CARD6: variants seen among roughly 807,000 people sequenced by gnomAD.
CARD6 encodes the protein caspase recruitment domain family member 6.
Under a neutral mutation model 23.6 loss-of-function variants are expected in CARD6, and 27 were observed. That is an observed-to-expected ratio of 1.14 (90% CI 0.84 to 1.58). The LOEUF (loss-of-function observed/expected upper bound fraction) is 1.58. Ranked by LOEUF, CARD6 falls within the 40% of genes most tolerant of loss-of-function variation. The pLI, the probability that CARD6 is intolerant of heterozygous loss-of-function variation, is 0.00. For synonymous variants in CARD6, 397 were observed against 431.8 expected (o/e 0.92, Z 1.00); for missense variants, 1,214 against 1,209.9 (o/e 1.00, Z -0.05).
chr5:40,843,093 C>A, intron 1 of CARD6, 59 bp from the exon 2 acceptor site: 1 of 1,102,666 alleles, frequency 9.1e-7, no homozygotes, highest in Non-Finnish European at 1.3e-6. Context: ...GCCTCAGGAA[C>A]TCTAGCTGTT....
At position 40,852,376 on chromosome 5, in the gene CARD6, G is replaced by A; in HGVS notation, c.1044G>A (p.Lys348=). 4 of 1,614,120 alleles carry A rather than the reference G, an allele frequency of 2.5e-6. No homozygotes were observed. The highest frequency in any genetic ancestry group is 1.3e-5 in the African/African-American group (1 of 75,054). ...VTARDSILSH[K]VLDEDSKEDL... is the part of the protein sequence containing the mutation. ...CTAGGGATTCAATCCTCAGTCACAA[G>A]GTTCTGGATGAAGATAGCAAGGAGG... The change falls in exon 3 of 3, where the codon AAG becomes AAA. Residue 348 remains lysine (K), a synonymous_variant. Coordinates refer to ENST00000254691, the MANE Select transcript of CARD6 (RefSeq NM_032587.4).
rs146689225 is a variant in CARD6, at chr5:40,852,929, C to T, written c.1597C>T (p.Arg533Cys). 393 of 1,614,122 alleles carry T rather than the reference C, an allele frequency of 2.4e-4. 1 individual carries two copies. In the African/African-American group the frequency reaches 4.5e-3, roughly 19 times the overall value. ...FQKPVALANL[R>C]GNLESFWTQF... The stretch of plus-strand genomic sequence containing the variant: ...AAAGCCTGTTGCTCTGGCTAATCTC[C>T]GTGGAAATCTAGAAAGCTTTTGGAC... Residue 533 changes from arginine (R) to cysteine (C), a missense_variant, in exon 3 of 3, where the codon CGT becomes TGT. Transcript: ENST00000254691.
chr5:40,850,210 C>A (rs926429913), intron 2 of CARD6, among the ~76,000 whole-genome samples: 2 of 151,464 alleles, frequency 1.3e-5, no homozygotes, highest in African/African-American at 4.9e-5. Context: ...GTCAGGAGAT[C>A]GAGACCATCC....
In CARD6 at chr5:40,854,117, C is replaced by T. The variant is rs977275212; in HGVS notation, c.2785C>T (p.Leu929Phe). Residue 929 changes from leucine to phenylalanine, a missense_variant, in exon 3 of 3, where the codon CTC (leucine) becomes TTC (phenylalanine). Coordinates refer to ENST00000254691, the MANE Select transcript of CARD6 (RefSeq NM_032587.4). Reference protein sequence around the residue: ...KTQGGASNPALQIGSHPMCKS... With the variant: ...KTQGGASNPAFQIGSHPMCKS... ...ACAAGGTGGGGCTTCAAATCCAGCT[C>T]TCCAAATAGGGTCCCATCCCATGTG... 1.2e-6 allele frequency: 2 copies of T among 1,614,214 alleles called. No homozygotes were observed. The highest frequency in any genetic ancestry group is 1.7e-5 in the Admixed American group (1 of 60,026).
chr5:40,850,837 T>C (rs1746053511), intron 2 of CARD6, among the ~76,000 whole-genome samples: 1 of 152,038 alleles, frequency 6.6e-6, no homozygotes, highest in South Asian at 2.1e-4. Context: ...GTTAGCACAT[T>C]TTTTTAAATA....
intron 1 of CARD6, among the ~76,000 whole-genome samples, chr5:40,842,500 C>G (rs1369108906): frequency 6.6e-6 from 1 of 152,196 alleles, no homozygotes; most frequent in Non-Finnish European, 1.5e-5. Flanking sequence ...ATTTCATTAG[C>G]AATGACCCCA....
In CARD6 at chr5:40,852,222, G is replaced by A. The variant is rs993997332; in HGVS notation, c.890G>A (p.Arg297Lys). 3 of 1,613,900 alleles carry A rather than the reference G, an allele frequency of 1.9e-6. No individual in the cohort carries two copies. The highest frequency in any genetic ancestry group is 2.5e-6 in the Non-Finnish European group (3 of 1,179,912). The stretch of plus-strand genomic sequence containing the variant: ...GTCCTGTTATGTTTGAACATGGATA[G>A]AAGCAGAAAGGTTCTGCCAGATTTT... ...KDVLLCLNMD[R>K]SRKVLPDFVK... The change falls in exon 3 of 3, where the codon AGA (arginine) becomes AAA (lysine). Residue 297 changes from arginine to lysine, a missense_variant. Physicochemically the swap from Arg to Lys is conservative, Grantham distance 26 (BLOSUM62 2). Coordinates refer to ENST00000254691, the MANE Select transcript of CARD6 (RefSeq NM_032587.4).
rs1451932679 is a variant in CARD6 at position 40,852,467 on chromosome 5, C to A, written c.1135C>A (p.Leu379Ile). 5 of 1,614,166 alleles carry A rather than the reference C, an allele frequency of 3.1e-6. No homozygotes were observed. In the South Asian group the frequency reaches 4.4e-5, roughly 14 times the overall value. The change falls in exon 3 of 3, where the codon CTT becomes ATT. Residue 379 changes from leucine (L) to isoleucine (I), a missense_variant. By Grantham distance (5) the Leu-to-Ile change is conservative. Coordinates refer to ENST00000254691, the MANE Select transcript of CARD6 (RefSeq NM_032587.4). ...ACAAACCATTAATCCCCTTGACGTG[C>A]TTTGTGCCACCATGCTGTGTTCAGA... ...DIQTINPLDV[L>I]CATMLCSDSS...
In CARD6 at chr5:40,854,343, C is replaced by A; in HGVS notation, c.3011C>A (p.Pro1004His). ...PSQPWPPQSK[P>H]SQPRPPQPKS... ...CAGCCCTGGCCTCCCCAGTCTAAGC[C>A]TTCTCAGCCCAGACCCCCTCAACCT... Residue 1004 changes from proline to histidine, a missense_variant, in exon 3 of 3, where the codon CCT becomes CAT. Pro to His is a moderately conservative substitution (Grantham distance 77). Transcript: ENST00000254691. 1 of 1,614,160 alleles carries A rather than the reference C, an allele frequency of 6.2e-7. No individual in the cohort carries two copies. Among genetic ancestry groups the A allele is most frequent in the South Asian group, 1.1e-5 (1 of 91,090 alleles).
intron 2 of CARD6, among the ~76,000 whole-genome samples, chr5:40,849,883 G>A (rs1200971545): frequency 2.0e-5 from 3 of 152,134 alleles, no homozygotes; most frequent in Admixed American, 1.3e-4. Context: ...CAAAGGCTGA[G>A]GCAGGAGGAT....
In CARD6 at chr5:40,843,609, C is replaced by T. The variant is rs558773813; in HGVS notation, c.741C>T (p.Phe247=). ...EHVGYDGEED[F]ENSETTEFSG... ...TTGGATATGATGGTGAAGAGGACTTCGAGAATTCAGAAACCACAGAGTTCT... is the reference window on the plus strand; with the variant it reads ...TTGGATATGATGGTGAAGAGGACTTTGAGAATTCAGAAACCACAGAGTTCT... The change falls in exon 2 of 3, where the codon TTC becomes TTT. Residue 247 remains phenylalanine, a synonymous_variant. Transcript: ENST00000254691. 2.5e-6 allele frequency: 4 copies of T among 1,604,748 alleles called. No homozygotes were observed. The highest frequency in any genetic ancestry group is 1.3e-5 in the African/African-American group (1 of 74,148).
chr5:40,844,473 T>G (rs1001633499), intron 2 of CARD6, among the ~76,000 whole-genome samples: 5 of 152,158 alleles, frequency 3.3e-5, no homozygotes, highest in African/African-American at 1.2e-4. Context: ...TCAAGTGATC[T>G]GCCCACCTTG....
chr5:40,843,908 T>C (rs1745922060), intron 2 of CARD6, among the ~76,000 whole-genome samples, 199 bp downstream of exon 2: 1 of 152,168 alleles, frequency 6.6e-6, no homozygotes, highest in Non-Finnish European at 1.5e-5. Context: ...ACCTAGGAAA[T>C]GATGGACAGC....
At position 40,853,408 on chromosome 5, in the gene CARD6, C is replaced by G; in HGVS notation, c.2076C>G (p.Ser692Arg). ...EGQQRHSQLK[S>R]SSKSQALMPI... ...AGCAAAGACACAGTCAGCTAAAAAG[C>G]TCATCTAAAAGCCAGGCTCTAATGC... The change falls in exon 3 of 3, where the codon AGC (serine) becomes AGG (arginine). Residue 692 changes from serine (S) to arginine (R), a missense_variant. Coordinates refer to ENST00000254691, the MANE Select transcript of CARD6 (RefSeq NM_032587.4). 6.2e-7 allele frequency: 1 copy of G among 1,614,126 alleles called. No homozygotes were observed. The highest frequency in any genetic ancestry group is 8.5e-7 in the Non-Finnish European group (1 of 1,180,026).
At position 40,843,650 on chromosome 5, in the gene CARD6, G is replaced by T. The variant is rs1268882261; in HGVS notation, c.782G>T (p.Ser261Ile). 2 of 1,573,432 alleles carry T rather than the reference G, an allele frequency of 1.3e-6. No individual in the cohort carries two copies. The highest frequency in any genetic ancestry group is 1.2e-5 in the South Asian group (1 of 83,218). The change falls in exon 2 of 3, where the codon AGT becomes ATT. Residue 261 changes from serine (S) to isoleucine (I), a missense_variant. By Grantham distance (142) the Ser-to-Ile change is moderately radical (BLOSUM62 -2). Transcript: ENST00000254691. ...ETTEFSGEEP[S>I]YEGSETSLSL... is the part of the protein sequence containing the mutation. ...ACAGAGTTCTCTGGTGAAGAACCAA[G>T]TTATGAGGGATCAGAAACCAGCCTT... is the stretch of plus-strand genomic sequence containing the variant.
chr5:40,841,398 A>G lies in CARD6; in HGVS notation c.16A>G (p.Thr6Ala). The G allele has an allele frequency of 6.2e-7, 1 of 1,603,280 alleles. No homozygotes were observed. The highest frequency in any genetic ancestry group is 8.5e-7 in the Non-Finnish European group (1 of 1,176,092). MATESTPSEIIERERK... is the reference protein window; with the variant it reads MATESAPSEIIERERK... Reference sequence around the variant, plus strand: ...AACAGGAACAATGGCTACCGAGAGTACTCCCTCAGAGATCATAGAAAGAGA... The same window carrying G: ...AACAGGAACAATGGCTACCGAGAGTGCTCCCTCAGAGATCATAGAAAGAGA... Residue 6 changes from threonine to alanine, a missense_variant, in exon 1 of 3, where the codon ACT (threonine) becomes GCT (alanine). Coordinates refer to ENST00000254691, the MANE Select transcript of CARD6 (RefSeq NM_032587.4).
In CARD6 at chr5:40,854,653, C is replaced by T. The variant is rs1211634620; in HGVS notation, c.*207C>T. 6.5e-5 allele frequency: 35 copies of T among 539,442 alleles called. No individual in the cohort carries two copies. Among genetic ancestry groups the T allele is most frequent in the Non-Finnish European group, 9.8e-5 (30 of 305,254 alleles). 33.4% of individuals were successfully genotyped at this position (539,442 alleles called of 1,614,324 possible). A position where few individuals can be genotyped will look rare whatever the true frequency, so the allele number is the denominator to read the frequency against. On this transcript the variant is annotated 3_prime_UTR_variant, in exon 3 of 3. Transcript: ENST00000254691. ...TTGCCCAGGCTGGAGTGCAATGGCACGATCTCGGCTCACCGCAACCTCTGC... is the reference window on the plus strand; with the variant it reads ...TTGCCCAGGCTGGAGTGCAATGGCATGATCTCGGCTCACCGCAACCTCTGC...
chr5:40,843,661 T>C lies in CARD6; in HGVS notation c.793T>C (p.Ser265Pro). Residue 265 changes from serine to proline, a missense_variant, in exon 2 of 3, where the codon TCA becomes CCA. Ser to Pro is a moderately conservative substitution (Grantham distance 74, BLOSUM62 -1). Transcript: ENST00000254691. ...TGGTGAAGAACCAAGTTATGAGGGA[T>C]CAGAAACCAGCCTTTCATTGGAGGA... ...FSGEEPSYEG[S>P]ETSLSLEEEQ... The C allele has an allele frequency of 6.4e-7, 1 of 1,565,144 alleles. No homozygotes were observed. Among genetic ancestry groups the C allele is most frequent in the Non-Finnish European group, 8.6e-7 (1 of 1,164,156 alleles).
At chr5:40,842,584 T>G (rs528781934) in intron 1 of CARD6, among the ~76,000 whole-genome samples, 99 of 152,364 alleles carry the variant, frequency 6.5e-4, no homozygotes, top group African/African-American at 2.2e-3. Flanking sequence ...ATTTTTCGTT[T>G]TATTCACTTA....
Sources: gnomAD v4.1 joint callset for allele counts (sites outside exome capture counted in the v4.1 genomes callset) on GRCh38, gnomAD v4.1.1 for gene constraint, MANE v1.5 for transcripts, NCBI Gene and HGNC (gene_info 2026-07-23, HGNC 2026-07-21) for gene names.